CSGALNACT1: variants seen among roughly 807,000 people sequenced by gnomAD.
The protein encoded by CSGALNACT1 is beta4GalNAcT-1.
CSGALNACT1 carries 52 observed loss-of-function variants against 51.0 expected under a neutral mutation model. The ratio of observed to expected loss-of-function variants is 1.02; its 90% confidence interval spans 0.82 to 1.29. The LOEUF (loss-of-function observed/expected upper bound fraction) is 1.29, where lower values mean the gene tolerates loss of function less well. Among genes scored for constraint, CSGALNACT1 ranks in the 50% most tolerant of loss-of-function variants. CSGALNACT1 has a pLI of 0.00. For missense variants in CSGALNACT1, 935 were observed against 679.2 expected, an observed-to-expected ratio of 1.38 and a Z score of -4.19; for synonymous variants, 341 against 254.4, an observed-to-expected ratio of 1.34 and a Z score of -3.24.
intron 3 of CSGALNACT1, chr8:19,591,065 AC>A (rs1051354769): frequency 6.6e-6 from 1 of 152,148 alleles, no homozygotes; most frequent in African/African-American, 2.4e-5. Context: ...TCTCAACTAT[AC>A]CTCTTGGTCA....
intron 3 of CSGALNACT1, among the ~76,000 whole-genome samples, chr8:19,546,622 C>G (rs1178966506): frequency 6.6e-6 from 1 of 152,200 alleles, no homozygotes; most frequent in African/African-American, 2.4e-5. Context: ...TCCACTCTCC[C>G]AAGTCAGTAT....
At chr8:19,495,949 A>T (rs1320345650) in intron 4 of CSGALNACT1, among the ~76,000 whole-genome samples, 1 of 152,218 alleles carries the variant, frequency 6.6e-6, no homozygotes, top group Non-Finnish European at 1.5e-5. Flanking sequence ...CAGCTAACAT[A>T]GGACTTGTGT....
chr8:19,709,691 C>T lies in CSGALNACT1; in HGVS notation c.-297+48159G>A, dbSNP rs187972144. 5.3e-5 allele frequency among the ~76,000 whole-genome samples: 8 copies of T among 152,242 alleles called. No individual in the cohort carries two copies. In the East Asian group the frequency reaches 9.7e-4, roughly 18 times the overall value. ...AACTTGGCACTCAGTGGTATCACCA[C>T]GAGGGCATTAGGCACTATGGAGGTT... On this transcript the variant is annotated intron_variant, in intron 1 of 1. Transcript: ENST00000517494.
At position 19,752,429 on chromosome 8, in the gene CSGALNACT1, G is replaced by A. The variant is rs188471444; in HGVS notation, c.-297+5421C>T. Among the ~76,000 whole-genome samples, 7 of 152,256 alleles carry A rather than the reference G, an allele frequency of 4.6e-5. No individual in the cohort carries two copies. The East Asian group carries it at 7.7e-4, about 17-fold the overall frequency. On this transcript the variant is annotated intron_variant, in intron 1 of 1. Transcript: ENST00000517494. ...GGGTTCCTAGCACAGCCCTGTGTACGTATGTTGACCTATTGACTGATGCGT... is the reference window on the plus strand; with the variant it reads ...GGGTTCCTAGCACAGCCCTGTGTACATATGTTGACCTATTGACTGATGCGT...
intron 3 of CSGALNACT1, among the ~76,000 whole-genome samples, chr8:19,532,609 GA>G (rs2154057020): frequency 6.6e-6 from 1 of 152,200 alleles, no homozygotes; most frequent in Admixed American, 6.5e-5. Flanking sequence ...TCCTCACACT[GA>G]CCCTCAAAGT....
At chr8:19,594,710 A>ATT (rs775097029) in intron 2 of CSGALNACT1, among the ~76,000 whole-genome samples, 10 of 144,836 alleles carry the variant, frequency 6.9e-5, no homozygotes, top group South Asian at 2.2e-4. Flanking sequence ...GGCCTGGCTA[A>ATT]TTTTTTTTTT....
intron 3 of CSGALNACT1, among the ~76,000 whole-genome samples, chr8:19,586,134 G>T (rs568935469): frequency 6.6e-6 from 1 of 152,236 alleles, no homozygotes; most frequent in East Asian, 1.9e-4. Flanking sequence ...AGGGCAAGGC[G>T]GGCAGATCAC....
chr8:19,709,808 G>A (rs1010704728), intron 1 of CSGALNACT1, among the ~76,000 whole-genome samples: 1 of 152,116 alleles, frequency 6.6e-6, no homozygotes, highest in South Asian at 2.1e-4. Flanking sequence ...AATGCACAGC[G>A]CAGGATGACA....
intron 3 of CSGALNACT1, among the ~76,000 whole-genome samples, chr8:19,533,929 T>C (rs2083267496): frequency 6.6e-6 from 1 of 152,146 alleles, no homozygotes; most frequent in Admixed American, 6.6e-5. Flanking sequence ...TCTTTACTAT[T>C]ACACCAAAAT....
intron 1 of CSGALNACT1, among the ~76,000 whole-genome samples, chr8:19,699,173 C>T (rs994232996): frequency 5.3e-5 from 8 of 152,054 alleles, no homozygotes; most frequent in African/African-American, 1.9e-4. Context: ...CGCCCAGCCT[C>T]GTTTTTTATT....
intron 4 of CSGALNACT1, among the ~76,000 whole-genome samples, chr8:19,477,693 G>A (rs2070104946): frequency 6.6e-6 from 1 of 152,142 alleles, no homozygotes; most frequent in African/African-American, 2.4e-5. Context: ...TTTTGGGCAA[G>A]GTGCTTAACC....
chr8:19,724,025 T>C (rs1175144802), intron 1 of CSGALNACT1, among the ~76,000 whole-genome samples: 2 of 152,210 alleles, frequency 1.3e-5, no homozygotes, highest in East Asian at 3.9e-4. Context: ...GGCTCTCAGA[T>C]TTGTGCCTAA....
chr8:19,611,765 T>G (rs1286164588), intron 1 of CSGALNACT1, among the ~76,000 whole-genome samples: 1 of 152,156 alleles, frequency 6.6e-6, no homozygotes, highest in East Asian at 1.9e-4. Flanking sequence ...GCTAATCTTT[T>G]GCATGGTAGC....
At chr8:19,549,095 G>A (rs536233542) in intron 3 of CSGALNACT1, among the ~76,000 whole-genome samples, 14 of 151,450 alleles carry the variant, frequency 9.2e-5, no homozygotes, top group African/African-American at 1.5e-4. Flanking sequence ...GGGATTACAC[G>A]CATAAGCCAG....
chr8:19,647,371 C>G (rs2057376472), intron 1 of CSGALNACT1, among the ~76,000 whole-genome samples: 1 of 152,172 alleles, frequency 6.6e-6, no homozygotes, highest in African/African-American at 2.4e-5. Context: ...GAGTTGGAAT[C>G]ATGCCACTGC....
At chr8:19,492,817 G>A (rs1398617392) in intron 4 of CSGALNACT1, among the ~76,000 whole-genome samples, 1 of 152,086 alleles carries the variant, frequency 6.6e-6, no homozygotes, top group African/African-American at 2.4e-5. Flanking sequence ...CATCTTTATA[G>A]TAATCTGTTG....
chr8:19,485,029 T>G (rs777033232), intron 4 of CSGALNACT1, among the ~76,000 whole-genome samples: 3 of 152,096 alleles, frequency 2.0e-5, no homozygotes, highest in Non-Finnish European at 2.9e-5. Flanking sequence ...TGCCAGTGGG[T>G]GAGAAAATAA....
chr8:19,642,608 AAAAACAAAAC>A (rs558512830), intron 1 of CSGALNACT1, among the ~76,000 whole-genome samples: 2 of 152,018 alleles, frequency 1.3e-5, no homozygotes, highest in Admixed American at 6.6e-5. Context: ...CCTTCTCTAC[AAAAACAAAAC>A]AAAACAAAAC....
chr8:19,692,171 G>C (rs1020332731), intron 1 of CSGALNACT1, among the ~76,000 whole-genome samples: 1 of 152,108 alleles, frequency 6.6e-6, no homozygotes, highest in Non-Finnish European at 1.5e-5. Context: ...CCTCCCACCT[G>C]GTCCCTCCCT....
Sources: allele counts gnomAD v4.1 joint callset (sites outside exome capture counted in the v4.1 genomes callset), GRCh38; gene constraint gnomAD v4.1.1; transcripts MANE v1.5; gene names NCBI Gene and HGNC (gene_info 2026-07-23, HGNC 2026-07-21).